The following ANO3 variants were observed in gnomAD, a reference collection of about 807,000 sequenced individuals.
ANO3 encodes anoctamin-3.
Under a neutral mutation model 144.8 loss-of-function variants are expected in ANO3, and 99 were observed. The ratio of observed to expected loss-of-function variants is 0.68; its 90% CI spans 0.58 to 0.81. The LOEUF is 0.81. Ranked by LOEUF, ANO3 falls within the 30% of genes least tolerant of loss-of-function variation. ANO3 has a pLI of 0.00. For synonymous variants in ANO3, 414 were observed against 392.6 expected, an observed-to-expected ratio of 1.05 and a Z score of -0.64; for missense variants, 905 against 1,202.2, an observed-to-expected ratio of 0.75 and a Z score of 3.66.
intron 3 of ANO3, among the ~76,000 whole-genome samples, chr11:26,456,793 C>G (rs1379937432): frequency 3.8e-5 from 5 of 132,844 alleles, no homozygotes; most frequent in African/African-American, 1.5e-4. Flanking sequence ...TATTGCGGCA[C>G]TATTCACAAT....
At chr11:26,541,383 A>G (rs567925235) in intron 10 of ANO3, among the ~76,000 whole-genome samples, 12 of 152,264 alleles carry the variant, frequency 7.9e-5, no homozygotes, top group Non-Finnish European at 1.5e-4. Context: ...ACCATGGCAC[A>G]TGTATACCTA....
chr11:26,410,797 C>T (rs573722966), intron 1 of ANO3, among the ~76,000 whole-genome samples: 1 of 152,068 alleles, frequency 6.6e-6, no homozygotes, highest in Admixed American at 6.6e-5. Context: ...CCGAGGGAGC[C>T]ATTGACAATT....
intron 11 of ANO3, among the ~76,000 whole-genome samples, chr11:26,544,975 A>G (rs1277157572): frequency 6.6e-6 from 1 of 151,986 alleles, no homozygotes; most frequent in Non-Finnish European, 1.5e-5. Flanking sequence ...ATGGCATTTG[A>G]ACATGTTTTT....
At chr11:26,553,224 G>GTTTTTTT (rs367822925) in intron 12 of ANO3, 25 bp from the exon 13 acceptor site, 37 of 1,174,326 alleles carry the variant, frequency 3.2e-5, no homozygotes, top group African/African-American at 2.7e-4. Flanking sequence ...GTTTTGTTTT[G>GTTTTTTT]TTTTTGTTTT....
chr11:26,261,673 T>C lies in ANO3; in HGVS notation c.155-47972T>C, dbSNP rs544701976. ...GTCACTAGGGCACACCAAGGCAAAC[T>C]GTTTCATTTTAGATGGGCCTTAACC... On this transcript the variant is annotated intron_variant, in intron 1 of 27. Transcript: ENST00000672621. Among the ~76,000 whole-genome samples the C allele has an allele frequency of 1.2e-3, 190 of 152,342 alleles. 1 individual carries two copies. The highest frequency in any genetic ancestry group is 4.4e-3 in the African/African-American group (181 of 41,592).
chr11:26,216,769 G>A (rs1037649173), intron 1 of ANO3, among the ~76,000 whole-genome samples: 3 of 151,984 alleles, frequency 2.0e-5, no homozygotes, highest in Non-Finnish European at 4.4e-5. Flanking sequence ...TTTGCACTCT[G>A]TCCAACAATT....
At chr11:26,270,980 T>C (rs923560975) in intron 1 of ANO3, among the ~76,000 whole-genome samples, 2 of 152,130 alleles carry the variant, frequency 1.3e-5, no homozygotes, top group Non-Finnish European at 2.9e-5. Context: ...GAGTATGTAC[T>C]GAAGAGAGTG....
intron 1 of ANO3, among the ~76,000 whole-genome samples, chr11:26,431,998 G>T (rs1331107690): frequency 6.6e-6 from 1 of 152,090 alleles, no homozygotes; most frequent in African/African-American, 2.4e-5. Context: ...TTTCACAGTG[G>T]TTGAACTAAT....
At position 26,634,189 on chromosome 11, in the gene ANO3, C is replaced by CT; in HGVS notation, c.1874-14dup. The CT allele has an allele frequency of 6.3e-7, 1 of 1,579,418 alleles. No homozygotes were observed. The highest frequency in any genetic ancestry group is 1.1e-5 in the South Asian group (1 of 90,188). ...CTCACCTCACCTGTGTCAATGCAAC[C>CT]TGTGTTCCTTTTAGAATATCCTCGA... On this transcript the variant is annotated splice_polypyrimidine_tract_variant and intron_variant, in intron 18 of 26. Transcript: ENST00000256737.
chr11:26,619,247 C>A (rs1282832684), intron 17 of ANO3, among the ~76,000 whole-genome samples: 1 of 152,032 alleles, frequency 6.6e-6, no homozygotes, highest in Non-Finnish European at 1.5e-5. Context: ...ACACTTATAA[C>A]CAAAGACTAT....
At chr11:26,381,122 T>C (rs1428894128) in intron 1 of ANO3, among the ~76,000 whole-genome samples, 4 of 152,178 alleles carry the variant, frequency 2.6e-5, no homozygotes, top group Non-Finnish European at 5.9e-5. Flanking sequence ...GAGATTATTG[T>C]GAAAACCAAA....
intron 5 of ANO3, among the ~76,000 whole-genome samples, chr11:26,511,617 G>C (rs1189276480): frequency 6.6e-6 from 1 of 152,152 alleles, no homozygotes; most frequent in Non-Finnish European, 1.5e-5. Context: ...GAAAGTAAAT[G>C]GTGCTAAATG....
intron 1 of ANO3, among the ~76,000 whole-genome samples, chr11:26,414,784 G>C (rs1857532345): frequency 6.7e-6 from 1 of 149,826 alleles, no homozygotes; most frequent in East Asian, 2.0e-4. Context: ...AAGAAAGAAA[G>C]TTAATTCATA....
intron 1 of ANO3, among the ~76,000 whole-genome samples, chr11:26,389,142 CT>C (rs1171408082): frequency 2.6e-5 from 4 of 152,020 alleles, no homozygotes; most frequent in African/African-American, 9.7e-5. Flanking sequence ...CACATTTTTT[CT>C]TCTATCTCCA....
chr11:26,380,368 T>C (rs541391998), intron 1 of ANO3, among the ~76,000 whole-genome samples: 1 of 152,352 alleles, frequency 6.6e-6, no homozygotes, highest in South Asian at 2.1e-4. Context: ...TCAGTGTAAA[T>C]GCATTGATCT....
At chr11:26,398,074 A>G (rs370356312) in intron 1 of ANO3, among the ~76,000 whole-genome samples, 15 of 152,196 alleles carry the variant, frequency 9.9e-5, no homozygotes, top group African/African-American at 3.6e-4. Flanking sequence ...TATGAAATGT[A>G]TGTTTAAAAT....
At chr11:26,281,156 A>G (rs927687525) in intron 1 of ANO3, among the ~76,000 whole-genome samples, 1 of 152,200 alleles carries the variant, frequency 6.6e-6, no homozygotes, top group Non-Finnish European at 1.5e-5. Context: ...TTGCAGATGA[A>G]GAAATAAAGA....
intron 4 of ANO3, among the ~76,000 whole-genome samples, chr11:26,473,281 A>G (rs1376396365): frequency 1.3e-5 from 2 of 151,980 alleles, no homozygotes; most frequent in African/African-American, 4.8e-5. Context: ...ACAGAAATAA[A>G]TGTAATCCTC....
chr11:26,265,523 A>G (rs1042713693), intron 1 of ANO3, among the ~76,000 whole-genome samples: 6 of 152,214 alleles, frequency 3.9e-5, no homozygotes, highest in African/African-American at 9.6e-5. Flanking sequence ...ATAAAATAAT[A>G]AAAACAATAA....
Sources: gnomAD v4.1 joint callset for allele counts (sites outside exome capture counted in the v4.1 genomes callset) on GRCh38, gnomAD v4.1.1 for gene constraint, MANE v1.5 for transcripts, NCBI Gene and HGNC (gene_info 2026-07-23, HGNC 2026-07-21) for gene names.